NPIPA5: variants seen among roughly 807,000 people sequenced by gnomAD.
NPIPA5 encodes the protein nuclear pore complex interacting protein family member A5.
A neutral mutation model predicts 21.4 loss-of-function variants in NPIPA5; 6 were observed. The observed-to-expected ratio is 0.28, with a 90% CI of 0.15 to 0.55. The LOEUF is 0.55. NPIPA5 is among the 20% of genes least tolerant of loss of function. The pLI is 0.93. For missense variants in NPIPA5, 99 were observed against 318.2 expected, an observed-to-expected ratio of 0.31 and a Z score of 5.24; for synonymous variants, 33 against 115.3, an observed-to-expected ratio of 0.29 and a Z score of 4.57.
chr16:15,377,003 C>T (rs2050315678), intron 1 of NPIPA5, among the ~76,000 whole-genome samples: 1 of 151,984 alleles, frequency 6.6e-6, no homozygotes, highest in African/African-American at 2.4e-5. Flanking sequence ...AGTCATCAAA[C>T]CAGATGACAC....
upstream of NPIPA5, among the ~76,000 whole-genome samples, chr16:15,379,090 C>T (rs887344295): frequency 1.5e-4 from 23 of 152,036 alleles, no homozygotes; most frequent in Non-Finnish European, 2.9e-4. Context: ...GCCTTCTGCC[C>T]GATCACACAG....
chr16:15,371,418 TA>T lies in NPIPA5; in HGVS notation c.193-1300del, dbSNP rs2050152491. On this transcript the variant is annotated intron_variant, in intron 2 of 7. Transcript: ENST00000360151. Reference sequence around the variant, plus strand: ...GTATGCTTTTAATCTTCGAAGATATTAAATATTTGTTCTCATCATAGCTAAA... The same window carrying T: ...GTATGCTTTTAATCTTCGAAGATATTAATATTTGTTCTCATCATAGCTAAA... Among the ~76,000 whole-genome samples the T allele has an allele frequency of 1.3e-5, 2 of 148,614 alleles. 1 individual carries two copies. Among genetic ancestry groups the T allele is most frequent in the Admixed American group, 1.4e-4 (2 of 14,234 alleles).
chr16:15,374,395 C>T (rs2050235608), intron 1 of NPIPA5, among the ~76,000 whole-genome samples: 1 of 151,684 alleles, frequency 6.6e-6, no homozygotes, highest in Non-Finnish European at 1.5e-5. Flanking sequence ...GATGAGGTTT[C>T]ACCATGTTGG....
intron 1 of NPIPA5, among the ~76,000 whole-genome samples, chr16:15,376,679 G>A (rs925546999): frequency 6.6e-6 from 1 of 152,220 alleles, no homozygotes; most frequent in Admixed American, 6.5e-5. Context: ...AGCACTGGGA[G>A]GCTGAGGCAG....
upstream of NPIPA5, among the ~76,000 whole-genome samples, chr16:15,379,307 C>T (rs527429611): frequency 2.6e-5 from 4 of 152,206 alleles, no homozygotes; most frequent in Non-Finnish European, 5.9e-5. Flanking sequence ...TGGTGGCTCA[C>T]ACCTGTAATC....
chr16:15,372,199 TCCCC>T (rs2050173796), intron 2 of NPIPA5, among the ~76,000 whole-genome samples: 1 of 147,474 alleles, frequency 6.8e-6, no homozygotes, highest in South Asian at 2.2e-4. Context: ...TTTAAAAACT[TCCCC>T]TGGCTCACGT....
chr16:15,370,493 T>G (rs2050123909), intron 2 of NPIPA5, among the ~76,000 whole-genome samples: 1 of 146,174 alleles, frequency 6.8e-6, no homozygotes, highest in Admixed American at 7.3e-5. Context: ...GGCTCACTCC[T>G]GTAATCCCAG....
intron 1 of NPIPA5, among the ~76,000 whole-genome samples, chr16:15,376,766 T>C (rs1168793605): frequency 1.3e-5 from 2 of 151,408 alleles, no homozygotes. Context: ...AATACAAAAA[T>C]TAGCCAGGCG....
intron 4 of NPIPA5, among the ~76,000 whole-genome samples, chr16:15,369,460 AAAAG>A (rs991225704): frequency 3.3e-5 from 5 of 151,882 alleles, no homozygotes; most frequent in African/African-American, 9.7e-5. Flanking sequence ...GAAAAAAAAA[AAAAG>A]AGAGAGAGAA....
At chr16:15,379,135 G>A (rs1399333498), upstream of NPIPA5, among the ~76,000 whole-genome samples, 1 of 152,214 alleles carries the variant, frequency 6.6e-6, no homozygotes, top group Non-Finnish European at 1.5e-5. Context: ...TCTGGCAGCT[G>A]AAAAGCACTG....
At chr16:15,366,094 C>CA (rs1215938901) in intron 5 of NPIPA5, among the ~76,000 whole-genome samples, 1 of 19,522 alleles carries the variant, frequency 5.1e-5, no homozygotes, top group African/African-American at 1.3e-4. Context: ...AAAACAAAAA[C>CA]AAAAAAAACT....
intron 4 of NPIPA5, 38 bp from the exon 5 acceptor site, chr16:15,366,798 C>G (rs1163615250): frequency 6.7e-7 from 1 of 1,495,738 alleles, no homozygotes; most frequent in Non-Finnish European, 8.8e-7. Flanking sequence ...GATCCACCAG[C>G]CCGTGTGGGA....
chr16:15,371,063 T>G (rs900208355), intron 2 of NPIPA5, among the ~76,000 whole-genome samples: 1 of 119,334 alleles, frequency 8.4e-6, no homozygotes, highest in African/African-American at 2.8e-5. Flanking sequence ...AAAAAAAAAA[T>G]GACATGAATA....
chr16:15,370,450 A>ACACACAC, intron 2 of NPIPA5, among the ~76,000 whole-genome samples: 4 of 141,658 alleles, frequency 2.8e-5, no homozygotes, highest in Non-Finnish European at 4.6e-5. Flanking sequence ...ACACACACAC[A>ACACACAC]AACACACAAG....
At chr16:15,368,294 C>T (rs1242466694) in intron 4 of NPIPA5, among the ~76,000 whole-genome samples, 6 of 151,006 alleles carry the variant, frequency 4.0e-5, no homozygotes, top group African/African-American at 1.5e-4. Flanking sequence ...TAGAGGTGGA[C>T]AGGAAATACC....
At chr16:15,379,775 T>C (rs1468045048), upstream of NPIPA5, among the ~76,000 whole-genome samples, 1 of 151,912 alleles carries the variant, frequency 6.6e-6, no homozygotes, top group Non-Finnish European at 1.5e-5. Context: ...TGAAACCCCA[T>C]CTCTACTAAG....
upstream of NPIPA5, chr16:15,381,458 G>A (rs979686980): frequency 5.1e-6 from 5 of 975,884 alleles, no homozygotes; most frequent in East Asian, 2.3e-4. Context: ...AGTCTAAAAA[G>A]CATTAGTGAT....
intron 4 of NPIPA5, among the ~76,000 whole-genome samples, chr16:15,368,538 A>G (rs1320362350): frequency 6.6e-6 from 1 of 151,670 alleles, no homozygotes; most frequent in East Asian, 1.9e-4. Context: ...AAAGACTGTG[A>G]AAATGAATCT....
intron 2 of NPIPA5, among the ~76,000 whole-genome samples, chr16:15,371,443 A>T (rs1410510598): frequency 1.3e-5 from 2 of 148,880 alleles, no homozygotes; most frequent in Non-Finnish European, 3.0e-5. Flanking sequence ...ATCATAGCTA[A>T]AATGCAACGC....
Sources: allele counts gnomAD v4.1 joint callset (sites outside exome capture counted in the v4.1 genomes callset), GRCh38; gene constraint gnomAD v4.1.1; transcripts MANE v1.5; gene names NCBI Gene and HGNC (gene_info 2026-07-23, HGNC 2026-07-21).